CSTPP1: variants seen among roughly 807,000 people sequenced by gnomAD.
CSTPP1 encodes the protein UPF0705 protein C11orf49.
chr11:47,033,745 C>A, the CSTPP1 span, among the ~76,000 whole-genome samples: 9 of 152,182 alleles, frequency 5.9e-5, no homozygotes, highest in Non-Finnish European at 1.3e-4. Flanking sequence ...CCCAGACTTT[C>A]TTGATGTTCT....
the CSTPP1 span, among the ~76,000 whole-genome samples, chr11:47,096,494 G>T: frequency 1.6e-3 from 247 of 152,306 alleles, no homozygotes; most frequent in Admixed American, 2.6e-3. Context: ...GGCATGGGTC[G>T]GAGTGAAGGG....
chr11:47,155,552 C>G, the CSTPP1 span: 1 of 486,852 alleles, frequency 2.1e-6, no homozygotes. Context: ...ACATCCATAG[C>G]ATCCACAGCA....
At chr11:47,129,450 C>T in the CSTPP1 span, among the ~76,000 whole-genome samples, 2 of 152,200 alleles carry the variant, frequency 1.3e-5, no homozygotes, top group Non-Finnish European at 2.9e-5. Context: ...TTTCTCCTAG[C>T]ACTGGTGCCT....
chr11:47,043,180 T>A, the CSTPP1 span, among the ~76,000 whole-genome samples: 1 of 152,186 alleles, frequency 6.6e-6, no homozygotes, highest in Non-Finnish European at 1.5e-5. Context: ...GCTAGCCCCT[T>A]TTGCCTCCAC....
chr11:47,136,315 G>A, the CSTPP1 span, among the ~76,000 whole-genome samples: 50,400 of 151,904 alleles, frequency 0.33, 8,898 homozygotes, highest in East Asian at 0.71. Context: ...CTGAGACCAC[G>A]AGTGGCAATG....
At chr11:46,957,465 T>C in the CSTPP1 span, among the ~76,000 whole-genome samples, 3 of 152,326 alleles carry the variant, frequency 2.0e-5, no homozygotes, top group African/African-American at 7.2e-5. Flanking sequence ...ATTGATAGTT[T>C]AGATACATAT....
At chr11:46,971,937 C>T in the CSTPP1 span, among the ~76,000 whole-genome samples, 1 of 152,244 alleles carries the variant, frequency 6.6e-6, no homozygotes, top group South Asian at 2.1e-4. Flanking sequence ...CACAGCGAGA[C>T]CTTGTCTCAA....
At chr11:47,082,204 G>A in the CSTPP1 span, among the ~76,000 whole-genome samples, 1 of 147,764 alleles carries the variant, frequency 6.8e-6, no homozygotes, top group Non-Finnish European at 1.5e-5. Context: ...AGAAACCACA[G>A]AAAGATGTTC....
At chr11:47,153,386 A>G in the CSTPP1 span, among the ~76,000 whole-genome samples, 3 of 152,224 alleles carry the variant, frequency 2.0e-5, no homozygotes, top group African/African-American at 7.2e-5. Flanking sequence ...CGTTCTCCCC[A>G]GGAGATGCCT....
the CSTPP1 span, among the ~76,000 whole-genome samples, chr11:47,084,488 A>G: frequency 6.6e-6 from 1 of 152,128 alleles, no homozygotes; most frequent in Non-Finnish European, 1.5e-5. Context: ...GTGTTACCCT[A>G]TATTTCCTTC....
At chr11:47,089,550 C>T in the CSTPP1 span, among the ~76,000 whole-genome samples, 11 of 152,180 alleles carry the variant, frequency 7.2e-5, no homozygotes, top group Non-Finnish European at 1.3e-4. Context: ...CTCAGGCTAG[C>T]GGCTGACATG....
At chr11:47,035,440 G>A in the CSTPP1 span, among the ~76,000 whole-genome samples, 1 of 152,228 alleles carries the variant, frequency 6.6e-6, no homozygotes, top group Admixed American at 6.5e-5. Flanking sequence ...CTGGAGAAAT[G>A]AACTGCCCAT....
the CSTPP1 span, among the ~76,000 whole-genome samples, chr11:47,037,812 C>T: frequency 1.6e-5 from 2 of 127,682 alleles, 1 homozygote; most frequent in Admixed American, 1.7e-4. Flanking sequence ...GGCAACCATC[C>T]GATTTCTCAA....
At chr11:47,015,870 C>T in the CSTPP1 span, among the ~76,000 whole-genome samples, 1 of 151,478 alleles carries the variant, frequency 6.6e-6, no homozygotes, top group Non-Finnish European at 1.5e-5. Flanking sequence ...AATGCGTAAC[C>T]CACCATATAA....
the CSTPP1 span, among the ~76,000 whole-genome samples, chr11:47,011,325 C>T: frequency 3.9e-5 from 6 of 152,170 alleles, no homozygotes; most frequent in Non-Finnish European, 7.4e-5. Flanking sequence ...AGATGAATGA[C>T]GAGAAGACAA....
the CSTPP1 span, among the ~76,000 whole-genome samples, chr11:47,108,759 TACAG>T: frequency 7.1e-5 from 10 of 140,312 alleles, no homozygotes; most frequent in African/African-American, 2.7e-4. Flanking sequence ...CAGGCTGGAG[TACAG>T]TGGCACAATC....
the CSTPP1 span, among the ~76,000 whole-genome samples, chr11:47,049,238 C>G: frequency 1.3e-5 from 2 of 152,096 alleles, no homozygotes; most frequent in African/African-American, 4.8e-5. Flanking sequence ...CCACCCACCT[C>G]AGCCTTCCAA....
the CSTPP1 span, among the ~76,000 whole-genome samples, chr11:47,089,102 G>A: frequency 2.6e-5 from 4 of 152,064 alleles, no homozygotes; most frequent in East Asian, 1.9e-4. Context: ...ACAGGCCCCA[G>A]TCTGCAGCAA....
the CSTPP1 span, chr11:46,987,273 A>G: frequency 6.2e-7 from 1 of 1,614,210 alleles, no homozygotes; most frequent in East Asian, 2.2e-5. Flanking sequence ...CAGGGAAGAT[A>G]TTAGCCAATA....
Sources: gnomAD v4.1 joint callset for allele counts (sites outside exome capture counted in the v4.1 genomes callset) on GRCh38, gnomAD v4.1.1 for gene constraint, MANE v1.5 for transcripts, NCBI Gene and HGNC (gene_info 2026-07-23, HGNC 2026-07-21) for gene names.